NRXN1: variants seen among roughly 807,000 people sequenced by gnomAD.
NRXN1 encodes the protein neurexin 1.
NRXN1 carries 39 observed loss-of-function variants against 150.9 expected under a neutral mutation model. That is an observed-to-expected ratio of 0.26 (90% CI 0.20 to 0.34). The LOEUF (loss-of-function observed/expected upper bound fraction) is 0.34, where lower values mean the gene tolerates loss of function less well. NRXN1 is among the 10% of genes least tolerant of loss of function. The probability of loss-of-function intolerance (pLI) is 1.00; values close to 1 mark genes in which losing one functional copy is unlikely to be tolerated. For missense variants in NRXN1, 1,815 were observed against 1,949.9 expected (o/e 0.93, Z 1.30); for synonymous variants, 924 against 757.0 (o/e 1.22, Z -3.62).
intron 2 of NRXN1, among the ~76,000 whole-genome samples, chr2:51,003,055 G>A (rs1181257439): frequency 2.0e-5 from 3 of 151,824 alleles, no homozygotes; most frequent in African/African-American, 7.2e-5. Flanking sequence ...TGAAAAAGGA[G>A]GAGAAATAGG....
intron 2 of NRXN1, among the ~76,000 whole-genome samples, chr2:50,953,300 G>A (rs1490137036): frequency 6.6e-6 from 1 of 152,166 alleles, no homozygotes; most frequent in African/African-American, 2.4e-5. Flanking sequence ...TAATGAGGTT[G>A]TTACAACATA....
At chr2:50,068,132 A>G (rs915222650) in intron 19 of NRXN1, among the ~76,000 whole-genome samples, 10 of 152,060 alleles carry the variant, frequency 6.6e-5, no homozygotes, top group Non-Finnish European at 1.5e-4. Context: ...TTTTCAATGG[A>G]CTTCAATCTC....
chr2:51,011,483 G>T (rs1667852627), intron 2 of NRXN1, among the ~76,000 whole-genome samples: 1 of 152,012 alleles, frequency 6.6e-6, no homozygotes, highest in Non-Finnish European at 1.5e-5. Context: ...TGAGCAGGAA[G>T]AGGGTATCAG....
At chr2:50,326,067 A>G (rs936865789) in intron 17 of NRXN1, among the ~76,000 whole-genome samples, 2 of 152,238 alleles carry the variant, frequency 1.3e-5, no homozygotes, top group Non-Finnish European at 2.9e-5. Flanking sequence ...TTGCATTCAT[A>G]AAGTGTTTAT....
intron 19 of NRXN1, among the ~76,000 whole-genome samples, chr2:50,063,120 T>C (rs2152649440): frequency 6.6e-6 from 1 of 152,310 alleles, no homozygotes; most frequent in African/African-American, 2.4e-5. Flanking sequence ...GTAAACATAC[T>C]CTGATTTTAA....
chr2:50,082,907 A>T (rs1006578677), intron 19 of NRXN1, among the ~76,000 whole-genome samples: 1 of 152,208 alleles, frequency 6.6e-6, no homozygotes, highest in African/African-American at 2.4e-5. Context: ...CCCAACACGT[A>T]TCTGAAGAAA....
intron 21 of NRXN1, among the ~76,000 whole-genome samples, chr2:49,978,739 A>T (rs535647867): frequency 2.0e-5 from 3 of 150,376 alleles, no homozygotes; most frequent in African/African-American, 7.3e-5. Context: ...AAAGATGACC[A>T]CAAACCCATG....
chr2:50,667,694 T>C (rs1187284280), intron 5 of NRXN1, among the ~76,000 whole-genome samples: 1 of 152,004 alleles, frequency 6.6e-6, no homozygotes, highest in Non-Finnish European at 1.5e-5. Context: ...TTACAAAGTA[T>C]ATTTTCCTTC....
intron 5 of NRXN1, among the ~76,000 whole-genome samples, chr2:50,727,657 T>C (rs752029499): frequency 2.0e-5 from 3 of 152,090 alleles, no homozygotes; most frequent in Non-Finnish European, 4.4e-5. Flanking sequence ...AATGGGAAAA[T>C]TAAAGCATTT....
At chr2:50,333,550 G>A (rs1007579666) in intron 17 of NRXN1, among the ~76,000 whole-genome samples, 3 of 152,050 alleles carry the variant, frequency 2.0e-5, no homozygotes, top group Admixed American at 6.6e-5. Flanking sequence ...GGCCTCTGGT[G>A]TGTCAGAAAA....
chr2:50,126,471 A>G (rs1446312354), intron 18 of NRXN1, among the ~76,000 whole-genome samples: 1 of 151,424 alleles, frequency 6.6e-6, no homozygotes, highest in Admixed American at 6.7e-5. Flanking sequence ...TAACTGATAT[A>G]GTCATCATAT....
chr2:50,310,584 A>T (rs1276074507), intron 17 of NRXN1, among the ~76,000 whole-genome samples: 1 of 152,218 alleles, frequency 6.6e-6, no homozygotes, highest in African/African-American at 2.4e-5. Context: ...TTAAAGAATA[A>T]TAAATCAATT....
chr2:50,029,984 T>A (rs1573503046), intron 21 of NRXN1, among the ~76,000 whole-genome samples: 1 of 152,120 alleles, frequency 6.6e-6, no homozygotes, highest in African/African-American at 2.4e-5. Flanking sequence ...CCCAGCTCCA[T>A]GCCAAAAATG....
intron 18 of NRXN1, among the ~76,000 whole-genome samples, chr2:50,193,174 T>A (rs1440034861): frequency 6.6e-6 from 1 of 152,134 alleles, no homozygotes; most frequent in Non-Finnish European, 1.5e-5. Context: ...TAAAAATAAT[T>A]CCATTTTTGA....
chr2:50,898,546 C>T, intron 5 of NRXN1: 1 of 463,680 alleles, frequency 2.2e-6, no homozygotes, highest in South Asian at 1.6e-5. Context: ...ATGCATATAT[C>T]CGTAGGGAGG....
At chr2:50,289,063 T>C (rs1396061048) in intron 17 of NRXN1, among the ~76,000 whole-genome samples, 2 of 152,012 alleles carry the variant, frequency 1.3e-5, no homozygotes, top group Non-Finnish European at 2.9e-5. Flanking sequence ...TCACAGTATA[T>C]TGAGATAGGG....
At chr2:50,368,753 G>T (rs2079790150) in intron 17 of NRXN1, among the ~76,000 whole-genome samples, 1 of 151,946 alleles carries the variant, frequency 6.6e-6, no homozygotes, top group South Asian at 2.1e-4. Context: ...TATAGGAAAG[G>T]CCAACAGGTA....
chr2:50,057,248 T>A (rs1693797628), intron 19 of NRXN1, among the ~76,000 whole-genome samples: 4 of 152,180 alleles, frequency 2.6e-5, no homozygotes, highest in Admixed American at 6.5e-5. Flanking sequence ...GCTCTTTTTA[T>A]CCTTATGAGA....
chr2:50,326,670 G>C (rs895256446), intron 17 of NRXN1, among the ~76,000 whole-genome samples: 1 of 152,054 alleles, frequency 6.6e-6, no homozygotes, highest in African/African-American at 2.4e-5. Flanking sequence ...CCATTAACTT[G>C]CTTTGTTACC....
Sources: allele counts gnomAD v4.1 joint callset (sites outside exome capture counted in the v4.1 genomes callset), GRCh38; gene constraint gnomAD v4.1.1; transcripts MANE v1.5; gene names NCBI Gene and HGNC (gene_info 2026-07-23, HGNC 2026-07-21).